Variants in NPAS3 observed in about 807,000 individuals in gnomAD.
The protein encoded by NPAS3 is neuronal PAS domain-containing protein 3.
NPAS3 carries 14 observed loss-of-function variants against 73.1 expected under a neutral mutation model. The ratio of observed to expected loss-of-function variants is 0.19; its 90% CI spans 0.13 to 0.30. The LOEUF (loss-of-function observed/expected upper bound fraction) is 0.30. Ranked by LOEUF, NPAS3 falls within the 10% of genes least tolerant of loss-of-function variation. The probability of loss-of-function intolerance (pLI) is 1.00; values close to 1 mark genes in which losing one functional copy is unlikely to be tolerated. For missense variants in NPAS3, 1,096 were observed against 1,250.0 expected, an observed-to-expected ratio of 0.88 and a Z score of 1.86; for synonymous variants, 620 against 541.5, an observed-to-expected ratio of 1.14 and a Z score of -2.01.
intron 2 of NPAS3, among the ~76,000 whole-genome samples, chr14:33,107,797 C>G (rs1414845831): frequency 6.6e-6 from 1 of 152,156 alleles, no homozygotes; most frequent in Non-Finnish European, 1.5e-5. Flanking sequence ...CTCTAATTCT[C>G]TTATATTGAC....
chr14:33,633,084 G>A lies in NPAS3; in HGVS notation c.559-43127G>A, dbSNP rs7144707. Among the ~76,000 whole-genome samples, 23 of 152,230 alleles carry A rather than the reference G, an allele frequency of 1.5e-4. No individual in the cohort carries two copies. The East Asian group carries it at 3.7e-3, about 24-fold the overall frequency. On this transcript the variant is annotated intron_variant, in intron 5 of 11. Coordinates refer to ENST00000356141, the Ensembl canonical transcript of NPAS3. ...ATACAGTATAACAACTATTTACATC[G>A]CATTTACATGGTATTGAGTATTAAA...
At chr14:33,714,511 G>A (rs142129050) in intron 6 of NPAS3, among the ~76,000 whole-genome samples, 169 of 152,256 alleles carry the variant, frequency 1.1e-3, no homozygotes, top group African/African-American at 3.9e-3. Context: ...TCGTAGCTGG[G>A]CACAGGAAGA....
At chr14:33,634,146 ACCACAAAATATGTTGGTTC>A in intron 5 of NPAS3, among the ~76,000 whole-genome samples, 1 of 152,308 alleles carries the variant, frequency 6.6e-6, no homozygotes, top group South Asian at 2.1e-4. Context: ...TTGGGTCAAA[ACCACAAAATATGTTGGTTC>A]TTACAGGGTG....
At chr14:33,708,364 G>A (rs1252431130) in intron 6 of NPAS3, among the ~76,000 whole-genome samples, 1 of 152,002 alleles carries the variant, frequency 6.6e-6, no homozygotes, top group Non-Finnish European at 1.5e-5. Flanking sequence ...GACTTTCAAA[G>A]GACTTTAGGT....
At chr14:33,540,076 C>T (rs769705269) in intron 4 of NPAS3, among the ~76,000 whole-genome samples, 4 of 152,134 alleles carry the variant, frequency 2.6e-5, no homozygotes, top group Non-Finnish European at 4.4e-5. Context: ...TACAAATAAA[C>T]GACTCAGCTG....
chr14:33,285,024 G>C (rs919340499), intron 3 of NPAS3, among the ~76,000 whole-genome samples: 1 of 152,152 alleles, frequency 6.6e-6, no homozygotes, highest in African/African-American at 2.4e-5. Context: ...TTCCTAAGTG[G>C]CTCTCATGCA....
intron 7 of NPAS3, among the ~76,000 whole-genome samples, chr14:33,748,761 G>A (rs1257894368): frequency 6.6e-6 from 1 of 152,212 alleles, no homozygotes; most frequent in African/African-American, 2.4e-5. Flanking sequence ...TTGGCTGACA[G>A]TACCTACCCT....
At chr14:33,685,516 C>T (rs1261923776) in intron 6 of NPAS3, among the ~76,000 whole-genome samples, 3 of 152,132 alleles carry the variant, frequency 2.0e-5, no homozygotes, top group African/African-American at 2.4e-5. Flanking sequence ...ATGATAGGTT[C>T]ACAGAAATAC....
At chr14:33,326,942 AG>A (rs980717723) in intron 3 of NPAS3, among the ~76,000 whole-genome samples, 6 of 152,198 alleles carry the variant, frequency 3.9e-5, no homozygotes, top group African/African-American at 1.4e-4. Flanking sequence ...AAGACAAGAG[AG>A]GGACATGGCA....
At chr14:32,942,370 A>G (rs982769843) in intron 1 of NPAS3, among the ~76,000 whole-genome samples, 1 of 152,188 alleles carries the variant, frequency 6.6e-6, no homozygotes, top group Admixed American at 6.5e-5. Flanking sequence ...TTATAATGTA[A>G]ATTTCAGAAA....
At chr14:33,097,647 C>A (rs1257121955) in intron 2 of NPAS3, among the ~76,000 whole-genome samples, 1 of 152,180 alleles carries the variant, frequency 6.6e-6, no homozygotes, top group Non-Finnish European at 1.5e-5. Context: ...TATGAGAATT[C>A]CAGTAACTCT....
At chr14:33,729,994 C>T (rs1198864612) in intron 6 of NPAS3, among the ~76,000 whole-genome samples, 1 of 152,126 alleles carries the variant, frequency 6.6e-6, no homozygotes, top group African/African-American at 2.4e-5. Context: ...TTATTAAATT[C>T]ACTATTTAGT....
intron 5 of NPAS3, among the ~76,000 whole-genome samples, chr14:33,665,142 T>A (rs1031818305): frequency 6.6e-6 from 1 of 152,030 alleles, no homozygotes; most frequent in Admixed American, 6.6e-5. Context: ...ATAAAGAAAA[T>A]ATGGCACATA....
At chr14:33,049,786 G>A (rs1435861921) in intron 1 of NPAS3, among the ~76,000 whole-genome samples, 1 of 152,182 alleles carries the variant, frequency 6.6e-6, no homozygotes, top group African/African-American at 2.4e-5. Flanking sequence ...ACTTGGACAT[G>A]TCTCCCAACA....
At chr14:33,626,517 C>T (rs539645291) in intron 5 of NPAS3, among the ~76,000 whole-genome samples, 29 of 152,236 alleles carry the variant, frequency 1.9e-4, no homozygotes, top group Middle Eastern at 3.4e-3. Flanking sequence ...GATTATGAAA[C>T]GTAGACTATT....
intron 6 of NPAS3, among the ~76,000 whole-genome samples, chr14:33,702,363 T>C (rs1289884131): frequency 6.6e-6 from 1 of 152,242 alleles, no homozygotes; most frequent in African/African-American, 2.4e-5. Context: ...TCAGTGCTTT[T>C]GATGGATCTC....
intron 7 of NPAS3, 146 bp downstream of exon 7, chr14:33,735,478 A>C: frequency 3.1e-5 from 20 of 652,182 alleles, no homozygotes; most frequent in East Asian, 1.0e-4. Flanking sequence ...TTCCTGTCTC[A>C]AGGCAGGAGC....
intron 2 of NPAS3, among the ~76,000 whole-genome samples, chr14:33,083,819 G>A (rs951586830): frequency 1.3e-5 from 2 of 152,130 alleles, no homozygotes; most frequent in Admixed American, 1.3e-4. Flanking sequence ...TCTGGGTAAG[G>A]ATGTTAATGA....
intron 3 of NPAS3, chr14:33,215,692 A>C (rs1230706122): frequency 1.5e-6 from 1 of 655,544 alleles, no homozygotes; most frequent in Non-Finnish European, 2.7e-6. Flanking sequence ...GAAATGACAC[A>C]TTAAAATGCT....
Sources: gnomAD v4.1 joint callset for allele counts (sites outside exome capture counted in the v4.1 genomes callset) on GRCh38, gnomAD v4.1.1 for gene constraint, MANE v1.5 for transcripts, NCBI Gene and HGNC (gene_info 2026-07-23, HGNC 2026-07-21) for gene names.